SYT1: variants seen among roughly 807,000 people sequenced by gnomAD.
The protein encoded by SYT1 is synaptotagmin-1.
Under a neutral mutation model 44.8 loss-of-function variants are expected in SYT1, and 8 were observed. That is an observed-to-expected ratio of 0.18 (90% CI 0.10 to 0.32). SYT1 has a LOEUF of 0.32. SYT1 is among the 10% of genes least tolerant of loss of function. SYT1 has a pLI of 1.00. For synonymous variants in SYT1, 154 were observed against 188.8 expected, an observed-to-expected ratio of 0.82 and a Z score of 1.51; for missense variants, 286 against 509.3, an observed-to-expected ratio of 0.56 and a Z score of 4.22.
At chr12:79,008,726 C>A (rs1044245727) in intron 2 of SYT1, among the ~76,000 whole-genome samples, 2 of 152,060 alleles carry the variant, frequency 1.3e-5, no homozygotes, top group Admixed American at 6.6e-5. Flanking sequence ...ACGTAAGGTG[C>A]TCCAAATGCC....
intron 4 of SYT1, among the ~76,000 whole-genome samples, chr12:79,264,536 C>T (rs1213106014): frequency 6.6e-6 from 1 of 152,128 alleles, no homozygotes; most frequent in Non-Finnish European, 1.5e-5. Flanking sequence ...AAGAAAGCAG[C>T]ACCCAAAAGT....
chr12:79,232,672 A>C (rs964300104), intron 4 of SYT1, among the ~76,000 whole-genome samples: 2 of 152,018 alleles, frequency 1.3e-5, no homozygotes, highest in African/African-American at 4.8e-5. Context: ...ATGTTTATAA[A>C]TTTTACTTTT....
At chr12:79,187,610 G>A (rs1526974) in intron 3 of SYT1, among the ~76,000 whole-genome samples, 4,324 of 152,082 alleles carry the variant, frequency 0.028, 131 homozygotes, top group East Asian at 0.12. Flanking sequence ...ATCACCTCAC[G>A]TTATTTTTAG....
At chr12:78,983,571 T>C (rs779006519) in intron 2 of SYT1, among the ~76,000 whole-genome samples, 5 of 152,124 alleles carry the variant, frequency 3.3e-5, no homozygotes, top group Non-Finnish European at 7.4e-5. Context: ...GGCACAAAGA[T>C]GGTATAAAGG....
chr12:78,957,246 A>G (rs1172688688), intron 1 of SYT1, among the ~76,000 whole-genome samples: 1 of 152,158 alleles, frequency 6.6e-6, no homozygotes, highest in African/African-American at 2.4e-5. Flanking sequence ...AGGCAGGAGG[A>G]CAGCTTGAGT....
intron 3 of SYT1, among the ~76,000 whole-genome samples, chr12:79,112,176 G>A (rs1330811486): frequency 2.0e-5 from 3 of 151,922 alleles, no homozygotes; most frequent in Non-Finnish European, 2.9e-5. Flanking sequence ...TTAAAAGAGG[G>A]GATTGTGGAC....
In SYT1 at chr12:78,933,137, C is replaced by G. The variant is rs369769996; in HGVS notation, c.-216-44662C>G. Among the ~76,000 whole-genome samples the G allele has an allele frequency of 8.5e-5, 13 of 152,246 alleles. No homozygotes were observed. In the South Asian group the frequency reaches 2.7e-3, roughly 32 times the overall value. On this transcript the variant is annotated intron_variant, in intron 1 of 10. Coordinates refer to ENST00000261205, the MANE Select transcript of SYT1 (RefSeq NM_005639.3). ...AAAGAGTGCACCTGTGAAGAAATAT[C>G]TAGGGCATAGATATTTCCTCATCTC...
chr12:79,280,867 A>G (rs1356204024), intron 4 of SYT1, among the ~76,000 whole-genome samples: 2 of 151,992 alleles, frequency 1.3e-5, no homozygotes, highest in Non-Finnish European at 2.9e-5. Flanking sequence ...AAAAGAAGCC[A>G]TACAAGTGGC....
At chr12:79,200,117 G>T (rs1247277163) in intron 3 of SYT1, among the ~76,000 whole-genome samples, 27 of 151,904 alleles carry the variant, frequency 1.8e-4, no homozygotes, top group Admixed American at 1.8e-3. Flanking sequence ...AGATGAAAAG[G>T]GTGAAGGACA....
chr12:79,367,279 G>A (rs1488852194), intron 9 of SYT1, among the ~76,000 whole-genome samples: 2 of 152,102 alleles, frequency 1.3e-5, no homozygotes, highest in Admixed American at 6.6e-5. Flanking sequence ...ATGCCTGGTT[G>A]CTGGACAAAC....
rs186088324 is a variant in SYT1, at chr12:78,866,839, C to A, written c.-217+1730C>A. ...AATCTTCTATCTTAACTGTGTCTGA[C>A]CTTCCACACTAATTTTGTATCTCAG... On this transcript the variant is annotated intron_variant, in intron 1 of 10. Transcript: ENST00000261205. Among the ~76,000 whole-genome samples the A allele has an allele frequency of 1.5e-3, 224 of 152,160 alleles. 1 individual carries two copies. Among genetic ancestry groups the A allele is most frequent in the African/African-American group, 5.2e-3 (214 of 41,522 alleles).
rs1226768657 is a variant in SYT1, at chr12:79,135,752, T to C, written c.-17-81751T>C. On this transcript the variant is annotated intron_variant, in intron 3 of 10. Coordinates refer to ENST00000261205, the MANE Select transcript of SYT1 (RefSeq NM_005639.3). Reference sequence around the variant, plus strand: ...GCTTATTCAACTCCATGCCTTTACTTTTAGGGCCACAGGAAACAGGGGTCA... The same window carrying C: ...GCTTATTCAACTCCATGCCTTTACTCTTAGGGCCACAGGAAACAGGGGTCA... Among the ~76,000 whole-genome samples, 5 of 151,542 alleles carry C rather than the reference T, an allele frequency of 3.3e-5. No individual in the cohort carries two copies. The East Asian group carries it at 9.6e-4, about 29-fold the overall frequency.
rs530756860 is a variant in SYT1 at position 79,040,407 on chromosome 12, A to T, written c.-83-6890A>T. On this transcript the variant is annotated intron_variant, in intron 2 of 10. Transcript: ENST00000261205. ...AGCATTTCTTCATGTGTTTTTTGGC[A>T]GCATAAATGTCTTCTTTTGAGAAGT... Among the ~76,000 whole-genome samples the T allele has an allele frequency of 2.5e-3, 374 of 152,226 alleles. 1 individual carries two copies. The highest frequency in any genetic ancestry group is 8.5e-3 in the African/African-American group (352 of 41,510).
chr12:79,167,161 A>G (rs1021185653), intron 3 of SYT1, among the ~76,000 whole-genome samples: 1 of 152,044 alleles, frequency 6.6e-6, no homozygotes, highest in Non-Finnish European at 1.5e-5. Flanking sequence ...TCTGTTGAAT[A>G]CTTACCATAT....
intron 9 of SYT1, among the ~76,000 whole-genome samples, chr12:79,433,631 G>T (rs900278736): frequency 6.6e-6 from 1 of 151,776 alleles, no homozygotes; most frequent in Non-Finnish European, 1.5e-5. Context: ...TTTTGTCTCT[G>T]TGTTTGTTAG....
At chr12:78,896,935 GAAACC>G in intron 1 of SYT1, among the ~76,000 whole-genome samples, 1 of 151,558 alleles carries the variant, frequency 6.6e-6, no homozygotes, top group Non-Finnish European at 1.5e-5. Flanking sequence ...TCAATAAATG[GAAACC>G]TATAATTAAA....
intron 4 of SYT1, among the ~76,000 whole-genome samples, chr12:79,243,334 T>A (rs1346120271): frequency 1.3e-5 from 2 of 152,232 alleles, no homozygotes; most frequent in African/African-American, 2.4e-5. Flanking sequence ...CACAGCCACA[T>A]GCTTTCTCAC....
intron 9 of SYT1, among the ~76,000 whole-genome samples, chr12:79,434,518 ATTAATAC>A (rs1765473845): frequency 6.6e-6 from 1 of 152,248 alleles, no homozygotes; most frequent in African/African-American, 2.4e-5. Context: ...TGTGAGCCCT[ATTAATAC>A]TTAATTATTT....
chr12:79,231,680 G>T (rs1200857846), intron 4 of SYT1, among the ~76,000 whole-genome samples: 1 of 152,066 alleles, frequency 6.6e-6, no homozygotes, highest in African/African-American at 2.4e-5. Flanking sequence ...TTATTTTAAT[G>T]TAAAAATATA....
Sources: gnomAD v4.1 joint callset for allele counts (sites outside exome capture counted in the v4.1 genomes callset) on GRCh38, gnomAD v4.1.1 for gene constraint, MANE v1.5 for transcripts, NCBI Gene and HGNC (gene_info 2026-07-23, HGNC 2026-07-21) for gene names.